The following FAM135B variants were observed in gnomAD, a reference collection of about 807,000 sequenced individuals.
The protein encoded by FAM135B is family with sequence similarity 135 member B.
In FAM135B, 43 loss-of-function variants were observed where a neutral mutation model predicts 127.7. The ratio of observed to expected loss-of-function variants is 0.34; its 90% CI spans 0.26 to 0.43. FAM135B has a LOEUF of 0.43. FAM135B is among the 20% of genes least tolerant of loss of function. FAM135B has a pLI of 1.00. For missense variants in FAM135B, 1,558 were observed against 1,725.6 expected (o/e 0.90, Z 1.72); for synonymous variants, 670 against 665.1 (o/e 1.01, Z -0.11).
chr8:138,241,552 T>C lies in FAM135B; in HGVS notation c.669+1390A>G, dbSNP rs1054186911. On this transcript the variant is annotated intron_variant, in intron 7 of 19. Transcript: ENST00000395297. This position sits in a 1 kb window ranked among gnomAD's most constrained non-coding sequence, Gnocchi z 4.8. Reference sequence around the variant, plus strand: ...AGACCTCCTGGCTGGGTCTCAGAGCTAGCAAAGATAACATCACAGGAGAGC... The same window carrying C: ...AGACCTCCTGGCTGGGTCTCAGAGCCAGCAAAGATAACATCACAGGAGAGC... Among the ~76,000 whole-genome samples, 4 of 152,130 alleles carry C rather than the reference T, an allele frequency of 2.6e-5. No individual in the cohort carries two copies. The highest frequency in any genetic ancestry group is 2.9e-5 in the Non-Finnish European group (2 of 68,026).
intron 1 of FAM135B, among the ~76,000 whole-genome samples, chr8:138,482,758 CAA>C: frequency 6.6e-6 from 1 of 152,278 alleles, no homozygotes; most frequent in East Asian, 1.9e-4. Context: ...ATGCCAGTAG[CAA>C]AGTTAGGATT....
intron 7 of FAM135B, among the ~76,000 whole-genome samples, chr8:138,223,396 AG>A (rs1819179861): frequency 6.6e-6 from 1 of 152,228 alleles, no homozygotes; most frequent in East Asian, 1.9e-4. Flanking sequence ...GTGAGCAAAA[AG>A]ATATTTGGGT....
chr8:138,255,473 G>C (rs1025541090), intron 5 of FAM135B, among the ~76,000 whole-genome samples: 1 of 152,148 alleles, frequency 6.6e-6, no homozygotes, highest in African/African-American at 2.4e-5. Flanking sequence ...TGCAGTTCCT[G>C]GTGCTCAACT....
At chr8:138,364,848 C>T (rs1830642485) in intron 2 of FAM135B, among the ~76,000 whole-genome samples, 1 of 151,988 alleles carries the variant, frequency 6.6e-6, no homozygotes, top group South Asian at 2.1e-4. Flanking sequence ...GATCACATAA[C>T]ATTTTGGGTT....
intron 2 of FAM135B, among the ~76,000 whole-genome samples, chr8:138,334,800 G>C (rs1297543933): frequency 6.6e-6 from 1 of 152,064 alleles, no homozygotes; most frequent in Non-Finnish European, 1.5e-5. Flanking sequence ...CCATTGATGG[G>C]CATTTAGGTT....
chr8:138,184,421 A>G lies in FAM135B; in HGVS notation c.874-5731T>C, dbSNP rs1426980808. ...CCATGCTTCCTGCAGCACACTCTGT[A>G]TGGGAGGATGTGCGACGCAAAAGAT... On this transcript the variant is annotated intron_variant, in intron 9 of 19. Coordinates refer to ENST00000395297, the MANE Select transcript of FAM135B (RefSeq NM_015912.4). Among the ~76,000 whole-genome samples the G allele has an allele frequency of 2.0e-5, 3 of 152,126 alleles. No homozygotes were observed. In the East Asian group the frequency reaches 5.8e-4, roughly 29 times the overall value.
intron 2 of FAM135B, among the ~76,000 whole-genome samples, chr8:138,336,581 C>A (rs1171613035): frequency 6.6e-6 from 1 of 152,120 alleles, no homozygotes; most frequent in Non-Finnish European, 1.5e-5. Flanking sequence ...TCTGAATAGA[C>A]CAAAAACAGG....
intron 1 of FAM135B, among the ~76,000 whole-genome samples, chr8:138,404,109 CAGACCACCACAATAA>C (rs1278773099): frequency 1.3e-5 from 2 of 151,990 alleles, no homozygotes; most frequent in African/African-American, 4.8e-5. Context: ...GGTTCAGTGC[CAGACCACCACAATAA>C]AGCAAATATC....
rs767526817 is a variant in FAM135B, at chr8:138,148,558, T to C, written c.3410A>G (p.Asp1137Gly). 6.2e-7 allele frequency: 1 copy of C among 1,614,140 alleles called. No homozygotes were observed. The highest frequency in any genetic ancestry group is 8.5e-7 in the Non-Finnish European group (1 of 1,179,982). The change falls in exon 14 of 20, where the codon GAT becomes GGT. Residue 1137 changes from aspartate to glycine, a missense_variant. Asp to Gly is a moderately conservative substitution (Grantham distance 94, BLOSUM62 -1). Coordinates refer to ENST00000395297, the MANE Select transcript of FAM135B (RefSeq NM_015912.4). Reference sequence around the variant, plus strand: ...GACACAGACAACCAGGTGAATTCCATCTTCCAAATTTTCTTCCTCTTCCTC... The same window carrying C: ...GACACAGACAACCAGGTGAATTCCACCTTCCAAATTTTCTTCCTCTTCCTC... Reference protein sequence around the residue: ...PPEEEEENLEDGIHLVVCVHG... With the variant: ...PPEEEEENLEGGIHLVVCVHG...
intron 1 of FAM135B, among the ~76,000 whole-genome samples, chr8:138,380,226 C>G (rs1278199367): frequency 6.6e-6 from 1 of 151,796 alleles, no homozygotes; most frequent in East Asian, 1.9e-4. Flanking sequence ...GAGACAGAGT[C>G]TTGCTCTGCC....
At chr8:138,407,261 C>T (rs202158778) in intron 1 of FAM135B, among the ~76,000 whole-genome samples, 16 of 151,386 alleles carry the variant, frequency 1.1e-4, no homozygotes, top group Admixed American at 3.3e-4. Flanking sequence ...TAAAAGAGGA[C>T]ACAAACAAAT....
At chr8:138,443,231 T>C (rs183679116) in intron 1 of FAM135B, among the ~76,000 whole-genome samples, 233 of 152,284 alleles carry the variant, frequency 1.5e-3, no homozygotes, top group South Asian at 2.5e-3. Flanking sequence ...AATAGGAAAT[T>C]AATATCCCAG....
chr8:138,154,853 C>G (rs1818563954), intron 12 of FAM135B, among the ~76,000 whole-genome samples: 1 of 152,148 alleles, frequency 6.6e-6, no homozygotes, highest in African/African-American at 2.4e-5. Flanking sequence ...AGAATGGAAC[C>G]AAGTTGGAAA....
chr8:138,465,009 C>T (rs930876834), intron 1 of FAM135B, among the ~76,000 whole-genome samples: 5 of 152,198 alleles, frequency 3.3e-5, no homozygotes, highest in Admixed American at 6.5e-5. Flanking sequence ...CAGCCACAAG[C>T]TGGAATCACA....
At chr8:138,306,545 T>A (rs1294252542) in intron 3 of FAM135B, among the ~76,000 whole-genome samples, 2 of 149,890 alleles carry the variant, frequency 1.3e-5, no homozygotes, top group Non-Finnish European at 3.0e-5. Flanking sequence ...TCCACAGGAA[T>A]GCAGCAATAA....
chr8:138,274,490 T>C (rs1823652153), intron 3 of FAM135B, among the ~76,000 whole-genome samples: 1 of 152,106 alleles, frequency 6.6e-6, no homozygotes, highest in Admixed American at 6.5e-5. Flanking sequence ...GAGGCAAAAT[T>C]AAAATTGCTA....
intron 7 of FAM135B, among the ~76,000 whole-genome samples, chr8:138,238,432 G>A (rs991746252): frequency 1.3e-5 from 2 of 152,038 alleles, no homozygotes; most frequent in Non-Finnish European, 2.9e-5. Context: ...GAACATAAGC[G>A]CTTGCTCCAC....
chr8:138,167,808 T>G, intron 12 of FAM135B, 87 bp downstream of exon 12: 1 of 1,435,486 alleles, frequency 7.0e-7, no homozygotes, highest in Non-Finnish European at 9.3e-7. Context: ...GGTCTCACTT[T>G]TGCTGGAATA....
intron 1 of FAM135B, among the ~76,000 whole-genome samples, chr8:138,381,852 C>T (rs376736018): frequency 1.3e-5 from 2 of 152,182 alleles, no homozygotes; most frequent in African/African-American, 4.8e-5. Flanking sequence ...TGACAGAATC[C>T]CACAGAGAAG....
Sources: allele counts gnomAD v4.1 joint callset (sites outside exome capture counted in the v4.1 genomes callset), GRCh38; gene constraint gnomAD v4.1.1; non-coding constraint Gnocchi (gnomAD v3.1); transcripts MANE v1.5; gene names NCBI Gene and HGNC (gene_info 2026-07-23, HGNC 2026-07-21).